The following KCTD17 variants were observed in gnomAD, a reference collection of about 807,000 sequenced individuals.
KCTD17 encodes BTB/POZ domain-containing protein KCTD17.
KCTD17 carries 20 observed loss-of-function variants against 41.5 expected under a neutral mutation model. The observed-to-expected ratio is 0.48, with a 90% CI of 0.34 to 0.70. KCTD17 has a LOEUF of 0.70. Among genes scored for constraint, KCTD17 ranks in the 30% least tolerant of loss-of-function variants. The probability of loss-of-function intolerance (pLI) is 0.01; values close to 1 mark genes in which losing one functional copy is unlikely to be tolerated. For synonymous variants in KCTD17, 156 were observed against 173.8 expected (o/e 0.90, Z 0.80); for missense variants, 317 against 427.2 (o/e 0.74, Z 2.27).
At chr22:37,060,473 G>A (rs1263841851) in intron 5 of KCTD17, among the ~76,000 whole-genome samples, 1 of 152,090 alleles carries the variant, frequency 6.6e-6, no homozygotes, top group African/African-American at 2.4e-5. Flanking sequence ...CTACTGAGGA[G>A]CAGTCTTTCC....
chr22:37,061,105 C>G lies in KCTD17; in HGVS notation c.714C>G (p.Ala238=). 6.4e-7 allele frequency: 1 copy of G among 1,551,456 alleles called. No individual in the cohort carries two copies. The highest frequency in any genetic ancestry group is 8.7e-7 in the Non-Finnish European group (1 of 1,146,936). Residue 238 remains alanine (A), a splice_region_variant and synonymous_variant, in exon 7 of 9, where the codon GCC becomes GCG. Coordinates refer to ENST00000403888, the MANE Select transcript of KCTD17 (RefSeq NM_001282684.2). This position sits in a 1 kb window ranked among gnomAD's most constrained non-coding sequence, Gnocchi z 6.6. ...VQVEADAQEK[A]QSSQDPANLF... is the part of the protein sequence containing the mutation. The stretch of plus-strand genomic sequence containing the variant: ...CCTTCTCTCACTTTCTCTTTGCAGC[C>G]CAGTCATCTCAGGATCCCGCTAACC...
At chr22:37,056,124 C>T (rs1925077183) in intron 2 of KCTD17, among the ~76,000 whole-genome samples, 196 bp from the exon 3 acceptor site, 1 of 152,184 alleles carries the variant, frequency 6.6e-6, no homozygotes. Flanking sequence ...GGCAGCCCCT[C>T]AGCCCCTTCC....
At position 37,058,556 on chromosome 22, in the gene KCTD17, C is replaced by T. The variant is rs986177524; in HGVS notation, c.487-757C>T. On this transcript the variant is annotated intron_variant, in intron 4 of 8. Coordinates refer to ENST00000403888, the MANE Select transcript of KCTD17 (RefSeq NM_001282684.2). ...ACACTCAGAGAGGACTTGGGATCCC[C>T]GATGCCATTCCCTGCTCCACCCCTT... 3.3e-5 allele frequency among the ~76,000 whole-genome samples: 5 copies of T among 152,338 alleles called. No individual in the cohort carries two copies. In the South Asian group the frequency reaches 8.3e-4, roughly 25 times the overall value.
Position 37,053,273 on chromosome 22 carries a change from C to G in KCTD17, c.298+65C>G. Reference sequence around the variant, plus strand: ...CTGCCAGGGCCCTCTGTGGAGGCCCCAAGCCATTTGGACAACCAGGACGGC... The same window carrying G: ...CTGCCAGGGCCCTCTGTGGAGGCCCGAAGCCATTTGGACAACCAGGACGGC... On this transcript the variant is annotated intron_variant, in intron 2 of 8. Transcript: ENST00000403888. This position sits in a 1 kb window ranked among gnomAD's most constrained non-coding sequence, Gnocchi z 4.1. 7.9e-7 allele frequency: 1 copy of G among 1,270,824 alleles called. No individual in the cohort carries two copies. The highest frequency in any genetic ancestry group is 2.5e-5 in the East Asian group (1 of 39,458). The allele number at this position is 1,270,824 out of a possible 1,614,324, so 78.7% of individuals were successfully genotyped here.
At chr22:37,057,967 C>T (rs6000544) in intron 4 of KCTD17, among the ~76,000 whole-genome samples, 1,531 of 152,350 alleles carry the variant, frequency 0.01, 20 homozygotes, top group African/African-American at 0.033. Flanking sequence ...TTGCAACATG[C>T]AGGGGAGCCC....
chr22:37,059,544 G>T, intron 5 of KCTD17, 106 bp downstream of exon 5: 2 of 1,321,828 alleles, frequency 1.5e-6, no homozygotes, highest in South Asian at 2.7e-5. Context: ...CCTCTCTCCC[G>T]CCACCGCCCA....
intron 4 of KCTD17, 92 bp from the exon 5 acceptor site, chr22:37,059,221 G>A: frequency 3.9e-6 from 6 of 1,553,338 alleles, no homozygotes; most frequent in East Asian, 2.2e-5. Flanking sequence ...ACCTGAGCTG[G>A]TATCTTGATT....
intron 5 of KCTD17, 112 bp downstream of exon 5, chr22:37,059,550 G>A (rs1418873113): frequency 3.1e-5 from 39 of 1,270,282 alleles, no homozygotes; most frequent in East Asian, 4.8e-5. Context: ...TCCCGCCACC[G>A]CCCATGCACA....
In KCTD17 at chr22:37,062,546, C is replaced by G; in HGVS notation, c.897C>G (p.Pro299=). ...CTAGCTGTTACAAGCCAGAGGCACC[C>G]GGATGTGAGGCCCCAGATCACCTCC... ...CHPCCYKPEA[P]GCEAPDHLQG... The change falls in exon 9 of 9, where the codon CCC becomes CCG. Residue 299 remains proline (P), a synonymous_variant. Coordinates refer to ENST00000403888, the MANE Select transcript of KCTD17 (RefSeq NM_001282684.2). The G allele has an allele frequency of 6.2e-7, 1 of 1,613,236 alleles. No individual in the cohort carries two copies. The highest frequency in any genetic ancestry group is 8.5e-7 in the Non-Finnish European group (1 of 1,179,668).
In KCTD17 at chr22:37,059,339, C is replaced by T. The variant is rs1437852748; in HGVS notation, c.513C>T (p.Asn171=). 4 of 1,613,122 alleles carry T rather than the reference C, an allele frequency of 2.5e-6. No individual in the cohort carries two copies. The African/African-American group carries it at 5.3e-5, about 22-fold the overall frequency. ...EQLVNIGSSY[N]YGSEDQAEFL... is the part of the protein sequence containing the mutation. ...TGGTGAACATCGGCTCCTCCTACAA[C>T]TACGGCAGCGAGGACCAGGCAGAGT... Residue 171 remains asparagine, a synonymous_variant, in exon 5 of 9, where the codon AAC becomes AAT. Coordinates refer to ENST00000403888, the MANE Select transcript of KCTD17 (RefSeq NM_001282684.2).
intron 3 of KCTD17, among the ~76,000 whole-genome samples, chr22:37,056,620 C>T (rs1217662693): frequency 1.3e-5 from 2 of 152,146 alleles, no homozygotes; most frequent in Non-Finnish European, 2.9e-5. Context: ...GGGGTTCAGT[C>T]CCTGTCTCAG....
At chr22:37,059,478 C>T in intron 5 of KCTD17, 40 bp downstream of exon 5, 1 of 1,573,748 alleles carries the variant, frequency 6.4e-7, no homozygotes, top group Non-Finnish European at 8.6e-7. Flanking sequence ...GAGAAGTCTC[C>T]TGTCTCCCTC....
At position 37,052,719 on chromosome 22, in the gene KCTD17, C is replaced by T. The variant is rs1245009829; in HGVS notation, c.190-381C>T. 3.0e-5 allele frequency: 14 copies of T among 460,448 alleles called. No individual in the cohort carries two copies. The Admixed American group carries it at 3.1e-4, about 10-fold the overall frequency. The allele number at this position is 460,448 out of a possible 1,614,324, so 28.5% of individuals were successfully genotyped here. On this transcript the variant is annotated intron_variant, in intron 1 of 8. Transcript: ENST00000403888. ...ACTCCTTTGGAAACTTGTAAACATC[C>T]CCTGAAAGCCTAGGGACCTGGGGGC...
At chr22:37,058,319 G>C (rs1460817028) in intron 4 of KCTD17, among the ~76,000 whole-genome samples, 1 of 152,214 alleles carries the variant, frequency 6.6e-6, no homozygotes, top group Non-Finnish European at 1.5e-5. Context: ...TCACCTCTAG[G>C]CCTTGCCACA....
At chr22:37,052,188 G>A in intron 1 of KCTD17, 2 of 499,314 alleles carry the variant, frequency 4.0e-6, no homozygotes, top group Non-Finnish European at 3.4e-6. Context: ...CTCTCCAGCC[G>A]CCCCGGATCG....
At chr22:37,058,138 GAGCCC>G (rs760844012) in intron 4 of KCTD17, among the ~76,000 whole-genome samples, 132 of 152,366 alleles carry the variant, frequency 8.7e-4, no homozygotes, top group Admixed American at 3.5e-3. Flanking sequence ...GCCAGAAAGT[GAGCCC>G]AGGGTCAAAA....
Position 37,061,478 on chromosome 22 carries a change from G to C in KCTD17, c.785-61G>C, listed in dbSNP as rs1254582264. 26 of 1,548,304 alleles carry C rather than the reference G, an allele frequency of 1.7e-5. No individual in the cohort carries two copies. The highest frequency in any genetic ancestry group is 2.3e-5 in the Non-Finnish European group (26 of 1,150,910). On this transcript the variant is annotated intron_variant, in intron 7 of 8. Coordinates refer to ENST00000403888, the MANE Select transcript of KCTD17 (RefSeq NM_001282684.2). The surrounding 1 kb of genome is among the most constrained non-coding windows in gnomAD (Gnocchi z 6.6). The stretch of plus-strand genomic sequence containing the variant: ...CGGGCACCTCTGAGACTGGGCCCTG[G>C]CTGCAGGCCCTGCCCCCCCTCCTCT...
At chr22:37,059,517 C>A in intron 5 of KCTD17, 79 bp downstream of exon 5, 1 of 1,488,294 alleles carries the variant, frequency 6.7e-7, no homozygotes, top group South Asian at 1.2e-5. Context: ...CGCCCCTGCG[C>A]CTGCACCATC....
chr22:37,053,235 G>T lies in KCTD17; in HGVS notation c.298+27G>T. 1 of 1,539,116 alleles carries T rather than the reference G, an allele frequency of 6.5e-7. No individual in the cohort carries two copies. The highest frequency in any genetic ancestry group is 1.4e-5 in the African/African-American group (1 of 73,206). The stretch of plus-strand genomic sequence containing the variant: ...TGAGTTGGTCCAGGGGGCTGGCCTG[G>T]ACCTTATGCAGCCTGCCAGGGCCCT... On this transcript the variant is annotated intron_variant, in intron 2 of 8. Transcript: ENST00000403888. This position sits in a 1 kb window ranked among gnomAD's most constrained non-coding sequence, Gnocchi z 4.1.
Sources: allele counts gnomAD v4.1 joint callset (sites outside exome capture counted in the v4.1 genomes callset), GRCh38; gene constraint gnomAD v4.1.1; non-coding constraint Gnocchi (gnomAD v3.1); transcripts MANE v1.5; gene names NCBI Gene and HGNC (gene_info 2026-07-23, HGNC 2026-07-21).